Variants in AFF2 observed in about 807,000 individuals in gnomAD.
AFF2 encodes AF4/FMR2 family member 2.
In AFF2, 14 loss-of-function variants were observed where a neutral mutation model predicts 76.9. That is an observed-to-expected ratio of 0.18 (90% CI 0.12 to 0.28). The LOEUF is 0.28. Ranked by LOEUF, AFF2 falls within the 10% of genes least tolerant of loss-of-function variation. The pLI, the probability that AFF2 is intolerant of heterozygous loss-of-function variation, is 1.00. For missense variants in AFF2, 868 were observed against 1,001.1 expected (o/e 0.87, Z 1.79); for synonymous variants, 398 against 366.7 (o/e 1.09, Z -0.98).
At chrX:148,930,580 A>G (rs1274847691) in intron 9 of AFF2, among the ~76,000 whole-genome samples, 3 of 112,500 alleles carry the variant, frequency 2.7e-5, no homozygotes, top group Non-Finnish European at 3.8e-5. Flanking sequence ...AAGTCACTAC[A>G]TGTCCAAATG....
At chrX:148,614,728 T>TC (rs2053772236) in intron 1 of AFF2, among the ~76,000 whole-genome samples, 1 of 77,380 alleles carries the variant, frequency 1.3e-5, no homozygotes, top group African/African-American at 4.9e-5. Context: ...TTTCTTTCTT[T>TC]CTTTCCTTCT....
chrX:148,575,047 G>T (rs782164418), intron 1 of AFF2, among the ~76,000 whole-genome samples: 1 of 109,116 alleles, frequency 9.2e-6, no homozygotes, highest in Admixed American at 9.9e-5. Flanking sequence ...GTAAATGAGA[G>T]TCACATTTTT....
At chrX:148,705,525 A>T (rs1170602899) in intron 3 of AFF2, among the ~76,000 whole-genome samples, 3 of 102,861 alleles carry the variant, frequency 2.9e-5, no homozygotes, top group Non-Finnish European at 3.9e-5. Context: ...AAGGCACCAT[A>T]AACTGGAATG....
At chrX:148,849,030 G>A (rs1221573937) in intron 7 of AFF2, among the ~76,000 whole-genome samples, 1 of 111,382 alleles carries the variant, frequency 9.0e-6, no homozygotes, top group African/African-American at 3.3e-5. Flanking sequence ...AGAGTAATCA[G>A]ACATCAAGAG....
intron 3 of AFF2, among the ~76,000 whole-genome samples, chrX:148,693,311 G>C (rs1208365227): frequency 1.8e-5 from 2 of 111,338 alleles, no homozygotes; most frequent in Non-Finnish European, 3.8e-5. Context: ...GCTTTCTTAG[G>C]GTAAGGGAAA....
intron 6 of AFF2, 69 bp from the exon 7 acceptor site, chrX:148,843,313 A>G: frequency 1.0e-6 from 1 of 958,231 alleles, no homozygotes; most frequent in South Asian, 2.2e-5. Flanking sequence ...TTTGGAGATC[A>G]ATTTAATTCA....
At chrX:148,889,818 T>G (rs2071202646) in intron 8 of AFF2, among the ~76,000 whole-genome samples, 1 of 111,683 alleles carries the variant, frequency 9.0e-6, no homozygotes, top group Non-Finnish European at 1.9e-5. Context: ...GGCAAAGACC[T>G]AAGTACCTAT....
At chrX:148,704,184 T>C (rs868921193) in intron 3 of AFF2, among the ~76,000 whole-genome samples, 1 of 5,013 alleles carries the variant, frequency 2.0e-4, no homozygotes, top group Non-Finnish European at 3.6e-4. Flanking sequence ...CAGAAATTTT[T>C]ATGTTGGGTG....
rs921616064 is a variant in AFF2 at position 148,885,788 on chromosome X, C to G, written c.1263-101C>G. The G allele has an allele frequency of 1.6e-5, 11 of 701,160 alleles. No individual in the cohort carries two copies. In the African/African-American group the frequency reaches 2.1e-4, roughly 13 times the overall value. 57.8% of individuals were successfully genotyped at this position (701,160 alleles called of 1,213,427 possible). A position where few individuals can be genotyped will look rare whatever the true frequency, so the allele number is the denominator to read the frequency against. On this transcript the variant is annotated intron_variant, in intron 7 of 20. Transcript: ENST00000370460. ...ACACCTTTGAAGGATTTGCAGCTGT[C>G]AGATTGTAGCTCCAATACTTTATTC...
At chrX:148,986,416 C>T (rs1405428663) in intron 19 of AFF2, among the ~76,000 whole-genome samples, 2 of 111,966 alleles carry the variant, frequency 1.8e-5, no homozygotes, top group African/African-American at 3.3e-5. Context: ...GGAAGAAAAA[C>T]GACCCCCATG....
intron 1 of AFF2, among the ~76,000 whole-genome samples, chrX:148,558,941 A>C (rs1461721330): frequency 1.8e-5 from 2 of 111,492 alleles, no homozygotes; most frequent in Non-Finnish European, 3.8e-5. Context: ...CATGCCACTC[A>C]AATACTGTGT....
At chrX:148,946,989 T>A (rs1557286146) in intron 9 of AFF2, among the ~76,000 whole-genome samples, 1 of 112,197 alleles carries the variant, frequency 8.9e-6, no homozygotes, top group East Asian at 2.8e-4. Flanking sequence ...CATCTTTGGG[T>A]CAGTCATTAC....
chrX:148,502,872 G>T (rs73249417), intron 1 of AFF2, among the ~76,000 whole-genome samples: 7,487 of 112,239 alleles, frequency 0.067, 270 homozygotes, highest in Non-Finnish European at 0.11. Context: ...TTATGCATAT[G>T]CAATTGCATA....
At chrX:148,722,202 T>C (rs1355036258) in intron 3 of AFF2, among the ~76,000 whole-genome samples, 1 of 110,693 alleles carries the variant, frequency 9.0e-6, no homozygotes, top group Non-Finnish European at 1.9e-5. Context: ...TGAGGGAAAT[T>C]GTGTGAGTTC....
intron 19 of AFF2, among the ~76,000 whole-genome samples, chrX:148,981,503 T>A (rs1557290862): frequency 1.8e-5 from 2 of 111,150 alleles, no homozygotes; most frequent in Admixed American, 9.6e-5. Context: ...TTGGACCCAA[T>A]GCCCTCGAAG....
chrX:148,680,632 G>C (rs1425376125), intron 3 of AFF2, among the ~76,000 whole-genome samples: 1 of 111,917 alleles, frequency 8.9e-6, no homozygotes, highest in Non-Finnish European at 1.9e-5. Flanking sequence ...AATTGGAAAA[G>C]ATTGTGTTCT....
At chrX:148,819,725 G>T (rs2070306254) in intron 4 of AFF2, among the ~76,000 whole-genome samples, 1 of 111,347 alleles carries the variant, frequency 9.0e-6, no homozygotes, top group Non-Finnish European at 1.9e-5. Flanking sequence ...TCAAGTCGAA[G>T]AACTTTTGGG....
chrX:148,982,716 G>A (rs1253181794), intron 19 of AFF2, among the ~76,000 whole-genome samples: 3 of 110,509 alleles, frequency 2.7e-5, no homozygotes, highest in Non-Finnish European at 5.6e-5. Flanking sequence ...CAGACATTCA[G>A]GAACTGCTTC....
At chrX:148,942,969 G>A (rs2071858510) in intron 9 of AFF2, among the ~76,000 whole-genome samples, 1 of 111,774 alleles carries the variant, frequency 8.9e-6, no homozygotes, top group South Asian at 3.8e-4. Flanking sequence ...TTCCAGTGGT[G>A]AGGAAGTGGA....
Sources: allele counts gnomAD v4.1 joint callset (sites outside exome capture counted in the v4.1 genomes callset), GRCh38; gene constraint gnomAD v4.1.1; transcripts MANE v1.5; gene names NCBI Gene and HGNC (gene_info 2026-07-23, HGNC 2026-07-21).